ASTN1: variants seen among roughly 807,000 people sequenced by gnomAD.
The protein encoded by ASTN1 is astrotactin-1.
A neutral mutation model predicts 140.7 loss-of-function variants in ASTN1; 41 were observed. That is an observed-to-expected ratio of 0.29 (90% CI 0.23 to 0.38). ASTN1 has a LOEUF of 0.38. Ranked by LOEUF, ASTN1 falls within the 10% of genes least tolerant of loss-of-function variation. The probability of loss-of-function intolerance (pLI) is 1.00; values close to 1 mark genes in which losing one functional copy is unlikely to be tolerated. For synonymous variants in ASTN1, 640 were observed against 652.2 expected (o/e 0.98, Z 0.29); for missense variants, 1,479 against 1,678.8 (o/e 0.88, Z 2.08).
At chr1:177,043,899 G>T (rs1366072756) in intron 2 of ASTN1, among the ~76,000 whole-genome samples, 1 of 152,110 alleles carries the variant, frequency 6.6e-6, no homozygotes, top group Non-Finnish European at 1.5e-5. Context: ...GCCCCACACC[G>T]AGTGCTGTGG....
At chr1:177,058,218 C>T (rs1313053759) in intron 2 of ASTN1, among the ~76,000 whole-genome samples, 2 of 152,054 alleles carry the variant, frequency 1.3e-5, no homozygotes, top group Non-Finnish European at 2.9e-5. Flanking sequence ...TATATCTCCA[C>T]TTCATCCTGA....
At chr1:177,141,027 C>A (rs1034269965) in intron 1 of ASTN1, among the ~76,000 whole-genome samples, 2 of 152,044 alleles carry the variant, frequency 1.3e-5, no homozygotes, top group African/African-American at 4.8e-5. Flanking sequence ...CCATCCTGGC[C>A]CACATGGTAA....
Position 177,164,561 on chromosome 1 carries a change from C to G in ASTN1, c.116G>C (p.Ser39Thr), listed in dbSNP as rs769137690. ...GAAGGGCAGTGCCGACACCGTGATGCTTTTGAGCTTGCACTCCAGCTCCTT... is the reference window on the plus strand; with the variant it reads ...GAAGGGCAGTGCCGACACCGTGATGGTTTTGAGCTTGCACTCCAGCTCCTT... ...PSKELECKLK[S>T]ITVSALPFLR... The change falls in exon 1 of 23, where the codon AGC becomes ACC. Residue 39 changes from serine (S) to threonine (T), a missense_variant. By Grantham distance (58) the Ser-to-Thr change is moderately conservative (BLOSUM62 1). This residue lies in a region of ASTN1 where 729 missense variants were observed against 860.4 expected (regional missense o/e 0.85). Transcript: ENST00000361833. The G allele has an allele frequency of 1.2e-6, 2 of 1,613,930 alleles. No homozygotes were observed. The highest frequency in any genetic ancestry group is 2.2e-5 in the South Asian group (2 of 91,058).
chr1:177,033,826 G>A (rs1230621593), intron 2 of ASTN1, among the ~76,000 whole-genome samples: 1 of 152,110 alleles, frequency 6.6e-6, no homozygotes, highest in African/African-American at 2.4e-5. Flanking sequence ...GCAGAACTCA[G>A]TGAGACTGAA....
intron 1 of ASTN1, among the ~76,000 whole-genome samples, chr1:177,083,602 C>T (rs2068331): frequency 0.46 from 69,136 of 151,944 alleles, 17,174 homozygotes; most frequent in Non-Finnish European, 0.57. Context: ...GTTTCTAACC[C>T]CTGGAATAAA....
chr1:177,027,616 A>G (rs1407644485), intron 5 of ASTN1, among the ~76,000 whole-genome samples: 1 of 148,992 alleles, frequency 6.7e-6, no homozygotes, highest in Non-Finnish European at 1.5e-5. Context: ...TTAAAACACC[A>G]TGTTCTTTTG....
intron 1 of ASTN1, among the ~76,000 whole-genome samples, chr1:177,067,811 T>C (rs993205891): frequency 3.9e-5 from 6 of 151,970 alleles, no homozygotes; most frequent in Admixed American, 2.6e-4. Context: ...GAGGGACAGA[T>C]GAAAAACAGA....
chr1:177,121,097 T>TAC (rs1053023505), intron 1 of ASTN1, among the ~76,000 whole-genome samples: 1 of 152,044 alleles, frequency 6.6e-6, no homozygotes, highest in African/African-American at 2.4e-5. Flanking sequence ...TATATATATA[T>TAC]ACATGCACTA....
intron 1 of ASTN1, among the ~76,000 whole-genome samples, chr1:177,131,959 A>T (rs1681964583): frequency 6.6e-6 from 1 of 152,170 alleles, no homozygotes; most frequent in Non-Finnish European, 1.5e-5. Context: ...GGAAATGTAT[A>T]AGGGATCTGT....
At chr1:177,086,146 T>C (rs1000879733) in intron 1 of ASTN1, among the ~76,000 whole-genome samples, 1 of 152,128 alleles carries the variant, frequency 6.6e-6, no homozygotes, top group Non-Finnish European at 1.5e-5. Context: ...CTGGATGTCC[T>C]GGTCTTTTAT....
At chr1:176,989,990 T>G (rs552011853) in intron 8 of ASTN1, among the ~76,000 whole-genome samples, 1 of 152,074 alleles carries the variant, frequency 6.6e-6, no homozygotes, top group Admixed American at 6.5e-5. Context: ...TGACTCTCAG[T>G]GGATTTGGGT....
At chr1:176,869,229 T>C (rs1428782983) in intron 21 of ASTN1, among the ~76,000 whole-genome samples, 1 of 152,074 alleles carries the variant, frequency 6.6e-6, no homozygotes, top group East Asian at 1.9e-4. Flanking sequence ...TGTATGTATA[T>C]ACATATATGC....
chr1:177,154,405 G>T (rs77662597), intron 1 of ASTN1, among the ~76,000 whole-genome samples: 1 of 152,030 alleles, frequency 6.6e-6, no homozygotes, highest in South Asian at 2.1e-4. Flanking sequence ...TTCCTCGGTC[G>T]TACTAACTAT....
chr1:176,859,780 G>A (rs1004290738), downstream of ASTN1, among the ~76,000 whole-genome samples: 12 of 152,162 alleles, frequency 7.9e-5, no homozygotes, highest in East Asian at 3.9e-4. Flanking sequence ...GCAAAACTCC[G>A]TCTCACAAAC....
At chr1:177,018,459 C>T (rs112222659) in intron 7 of ASTN1, among the ~76,000 whole-genome samples, 1 of 152,168 alleles carries the variant, frequency 6.6e-6, no homozygotes, top group African/African-American at 2.4e-5. Context: ...GGAAGTGGGT[C>T]GAATGCCCCT....
At chr1:177,067,764 G>A (rs2102047426) in intron 1 of ASTN1, among the ~76,000 whole-genome samples, 1 of 152,190 alleles carries the variant, frequency 6.6e-6, no homozygotes, top group Middle Eastern at 3.4e-3. Flanking sequence ...ATAATGACAG[G>A]AGCACATTAA....
At chr1:177,157,641 T>C (rs1683297839) in intron 1 of ASTN1, among the ~76,000 whole-genome samples, 1 of 151,980 alleles carries the variant, frequency 6.6e-6, no homozygotes. Context: ...AATTAATTTG[T>C]ATTTTTTTTT....
rs76944413 is a variant in ASTN1, at chr1:177,052,171, G to A, written c.471+8907C>T. Among the ~76,000 whole-genome samples, 11 of 152,160 alleles carry A rather than the reference G, an allele frequency of 7.2e-5. No individual in the cohort carries two copies. In the South Asian group the frequency reaches 1.2e-3, roughly 17 times the overall value. On this transcript the variant is annotated intron_variant, in intron 2 of 22. Transcript: ENST00000361833. The stretch of plus-strand genomic sequence containing the variant: ...TTGTCCTGATATCCCTAATTGCCTC[G>A]GTCTTTTCCCTAAGCACAATCCTCT...
intron 8 of ASTN1, among the ~76,000 whole-genome samples, chr1:176,987,030 G>A (rs1041837147): frequency 1.3e-5 from 2 of 152,084 alleles, no homozygotes; most frequent in African/African-American, 2.4e-5. Context: ...GACACTTCTG[G>A]TTGTTACAAC....
Sources: gnomAD v4.1 joint callset for allele counts (sites outside exome capture counted in the v4.1 genomes callset) on GRCh38, gnomAD v4.1.1 for gene constraint, gnomAD v4.1.1 regional missense constraint, MANE v1.5 for transcripts, NCBI Gene and HGNC (gene_info 2026-07-23, HGNC 2026-07-21) for gene names.